Variants in RUNX2 observed in about 807,000 individuals in gnomAD.
RUNX2 encodes RUNX family transcription factor 2, also known as runt-related transcription factor 2.
RUNX2 carries 10 observed loss-of-function variants against 51.7 expected under a neutral mutation model. The ratio of observed to expected loss-of-function variants is 0.19; its 90% confidence interval spans 0.12 to 0.33. The LOEUF is 0.33. Among genes scored for constraint, RUNX2 ranks in the 10% least tolerant of loss-of-function variants. The pLI is 1.00. For synonymous variants in RUNX2, 276 were observed against 273.6 expected (o/e 1.01, Z -0.09); for missense variants, 562 against 691.3 (o/e 0.81, Z 2.10).
chr6:45,374,180 G>C (rs1314765280), intron 2 of RUNX2, among the ~76,000 whole-genome samples: 3 of 152,114 alleles, frequency 2.0e-5, no homozygotes, highest in Non-Finnish European at 4.4e-5. Context: ...AATGACAAAA[G>C]AATGTGCCAG....
intron 5 of RUNX2, among the ~76,000 whole-genome samples, chr6:45,459,730 A>G (rs898703098): frequency 6.6e-6 from 1 of 152,236 alleles, no homozygotes; most frequent in African/African-American, 2.4e-5. Flanking sequence ...TATATATAAT[A>G]TGCAAATATG....
intron 6 of RUNX2, among the ~76,000 whole-genome samples, chr6:45,495,942 G>GC (rs1800631636): frequency 3.9e-5 from 6 of 152,162 alleles, no homozygotes; most frequent in Admixed American, 1.3e-4. Context: ...GTGCTTGTCT[G>GC]ATGGTGATAT....
chr6:45,330,729 T>C (rs1420959269), intron 2 of RUNX2, among the ~76,000 whole-genome samples: 3 of 151,774 alleles, frequency 2.0e-5, no homozygotes, highest in Non-Finnish European at 2.9e-5. Flanking sequence ...CTTTTTTTTT[T>C]CCAACATTAC....
chr6:45,455,548 G>A (rs1044468555), intron 5 of RUNX2, among the ~76,000 whole-genome samples: 6 of 152,124 alleles, frequency 3.9e-5, no homozygotes, highest in African/African-American at 1.4e-4. Flanking sequence ...AAATAACTTT[G>A]AGAGTCTAAC....
chr6:45,531,180 A>T (rs1419909896), intron 7 of RUNX2, among the ~76,000 whole-genome samples: 2 of 152,130 alleles, frequency 1.3e-5, no homozygotes, highest in Non-Finnish European at 2.9e-5. Flanking sequence ...TTGCTGTAGG[A>T]GTCTCCATAT....
intron 2 of RUNX2, among the ~76,000 whole-genome samples, chr6:45,416,204 A>G (rs1050573675): frequency 2.0e-5 from 3 of 152,150 alleles, no homozygotes; most frequent in Non-Finnish European, 4.4e-5. Flanking sequence ...AACTCTTACT[A>G]TTCTATTTTT....
rs1217642791 is a variant in RUNX2, at chr6:45,438,021, G to A, written c.655G>A (p.Val219Ile). ...QVATYHRAIK[V>I]TVDGPREPRR... ...AGCTACCTATCACAGAGCAATTAAA[G>A]TTACAGTAGATGGACCTCGGGAACC... Residue 219 changes from valine to isoleucine, a missense_variant, in exon 5 of 9, where the codon GTT becomes ATT. Val to Ile is a conservative substitution (Grantham distance 29). Transcript: ENST00000647337. 3 of 1,612,834 alleles carry A rather than the reference G, an allele frequency of 1.9e-6. No individual in the cohort carries two copies. Among genetic ancestry groups the A allele is most frequent in the East Asian group, 2.2e-5 (1 of 44,858 alleles).
At chr6:45,375,142 G>A (rs917217802) in intron 2 of RUNX2, among the ~76,000 whole-genome samples, 1 of 152,186 alleles carries the variant, frequency 6.6e-6, no homozygotes, top group South Asian at 2.1e-4. Context: ...AGGAGGGGGA[G>A]GTTGCAGTGA....
chr6:45,462,775 A>C (rs547978479), intron 5 of RUNX2, among the ~76,000 whole-genome samples: 1 of 152,252 alleles, frequency 6.6e-6, no homozygotes, highest in Non-Finnish European at 1.5e-5. Flanking sequence ...GTTCCCTTTC[A>C]GAGCAAATAA....
intron 5 of RUNX2, among the ~76,000 whole-genome samples, chr6:45,446,060 G>A (rs777636177): frequency 7.6e-4 from 116 of 152,216 alleles, no homozygotes; most frequent in Middle Eastern, 3.4e-3. Flanking sequence ...TCCTTCGCTC[G>A]CAGACTGCAT....
At chr6:45,411,201 T>A (rs1582082976) in intron 2 of RUNX2, among the ~76,000 whole-genome samples, 1 of 152,352 alleles carries the variant, frequency 6.6e-6, no homozygotes, top group Admixed American at 6.5e-5. Flanking sequence ...TTTCACATAA[T>A]AGAACAATTT....
At chr6:45,494,080 C>A (rs1324645959) in intron 6 of RUNX2, among the ~76,000 whole-genome samples, 1 of 151,914 alleles carries the variant, frequency 6.6e-6, no homozygotes, top group East Asian at 1.9e-4. Context: ...CCTAAAGGTA[C>A]CTTAGATATT....
chr6:45,522,795 A>G (rs1582203483), intron 7 of RUNX2, among the ~76,000 whole-genome samples: 1 of 152,358 alleles, frequency 6.6e-6, no homozygotes, highest in East Asian at 1.9e-4. Flanking sequence ...CTACCCAGGA[A>G]TCAGTGCTGC....
rs115645449 is a variant in RUNX2 at position 45,370,047 on chromosome 6, G to T, written c.58+41263G>T. ...TTGAGTGTAATGTGAAGCTATTAGA[G>T]AATTTTGAAAAGGGAAGTTACTTGA... On this transcript the variant is annotated intron_variant, in intron 2 of 8. Coordinates refer to ENST00000647337, the MANE Select transcript of RUNX2 (RefSeq NM_001024630.4). 9.6e-3 allele frequency among the ~76,000 whole-genome samples: 1,466 copies of T among 152,252 alleles called. 10 individuals are homozygous for T. The highest frequency in any genetic ancestry group is 0.015 in the Non-Finnish European group (1,023 of 68,006).
chr6:45,533,959 A>G (rs1334973445), intron 7 of RUNX2, among the ~76,000 whole-genome samples: 1 of 137,538 alleles, frequency 7.3e-6, no homozygotes, highest in Non-Finnish European at 1.5e-5. Context: ...CAGTGGCTCG[A>G]TCTCGGCTCA....
chr6:45,472,523 G>A (rs1331673009), intron 5 of RUNX2, among the ~76,000 whole-genome samples: 1 of 152,230 alleles, frequency 6.6e-6, no homozygotes, highest in Non-Finnish European at 1.5e-5. Context: ...ATGCCCAGCT[G>A]TGGAAGATAT....
intron 7 of RUNX2, among the ~76,000 whole-genome samples, chr6:45,533,863 A>G (rs1213510934): frequency 1.3e-5 from 2 of 151,534 alleles, no homozygotes; most frequent in African/African-American, 4.9e-5. Context: ...TTTTTAAAGA[A>G]ATACCGTCCT....
intron 2 of RUNX2, among the ~76,000 whole-genome samples, chr6:45,331,819 A>C (rs1442839355): frequency 6.6e-6 from 1 of 151,988 alleles, no homozygotes; most frequent in East Asian, 1.9e-4. Context: ...AAAGAACAAA[A>C]TATTAATTTA....
intron 3 of RUNX2, among the ~76,000 whole-genome samples, chr6:45,431,092 T>C (rs1402136050): frequency 6.6e-6 from 1 of 152,216 alleles, no homozygotes; most frequent in African/African-American, 2.4e-5. Flanking sequence ...CTTTTCTTGA[T>C]TGAGTTAATT....
Sources: gnomAD v4.1 joint callset for allele counts (sites outside exome capture counted in the v4.1 genomes callset) on GRCh38, gnomAD v4.1.1 for gene constraint, MANE v1.5 for transcripts, NCBI Gene and HGNC (gene_info 2026-07-23, HGNC 2026-07-21) for gene names.